CHST9: variants seen among roughly 807,000 people sequenced by gnomAD.
CHST9 encodes carbohydrate sulfotransferase 9, also known as GalNAc-4-sulfotransferase 2.
A neutral mutation model predicts 44.4 loss-of-function variants in CHST9; 41 were observed. The ratio of observed to expected loss-of-function variants is 0.92; its 90% CI spans 0.72 to 1.20. The LOEUF (loss-of-function observed/expected upper bound fraction) is 1.20. Among genes scored for constraint, CHST9 ranks in the 50% most tolerant of loss-of-function variants. The probability of loss-of-function intolerance (pLI) is 0.00; values close to 1 mark genes in which losing one functional copy is unlikely to be tolerated. For missense variants in CHST9, 504 were observed against 516.5 expected, an observed-to-expected ratio of 0.98 and a Z score of 0.23; for synonymous variants, 171 against 178.4, an observed-to-expected ratio of 0.96 and a Z score of 0.33.
At chr18:26,938,112 A>G (rs2056025898) in intron 5 of CHST9, among the ~76,000 whole-genome samples, 1 of 152,162 alleles carries the variant, frequency 6.6e-6, no homozygotes, top group African/African-American at 2.4e-5. Flanking sequence ...TCATGCTTTT[A>G]AAACATCTGA....
intron 2 of CHST9, among the ~76,000 whole-genome samples, chr18:27,100,561 CAG>C (rs2058161276): frequency 6.6e-6 from 1 of 152,140 alleles, no homozygotes; most frequent in African/African-American, 2.4e-5. Context: ...TGCTAGAGGA[CAG>C]TGCAAAAATT....
Position 26,910,145 on chromosome 18 carries a change from G to A in CHST9, c.*6114C>T, listed in dbSNP as rs2055421189. 1 of 152,128 alleles carries A rather than the reference G, an allele frequency of 6.6e-6. No individual in the cohort carries two copies. The highest frequency in any genetic ancestry group is 1.5e-5 in the Non-Finnish European group (1 of 68,026). The allele number at this position is 152,128 out of a possible 1,614,324, so 9.4% of individuals were successfully genotyped here. Reference sequence around the variant, plus strand: ...GTGGGAAGGAATGTCGTTGCCAGGGGACCCAGTGGCTACGACAGAAAGATG... The same window carrying A: ...GTGGGAAGGAATGTCGTTGCCAGGGAACCCAGTGGCTACGACAGAAAGATG... On this transcript the variant is annotated 3_prime_UTR_variant, in exon 6 of 6. Coordinates refer to ENST00000618847, the MANE Select transcript of CHST9 (RefSeq NM_031422.6).
intron 2 of CHST9, among the ~76,000 whole-genome samples, chr18:27,055,676 G>T (rs2057646395): frequency 6.6e-6 from 1 of 152,032 alleles, no homozygotes; most frequent in Non-Finnish European, 1.5e-5. Context: ...TGCTGTCTTG[G>T]GTGCTAGTAC....
At chr18:27,054,881 G>A (rs1033772992) in intron 2 of CHST9, among the ~76,000 whole-genome samples, 5 of 151,664 alleles carry the variant, frequency 3.3e-5, no homozygotes, top group African/African-American at 1.2e-4. Context: ...ATATATGTAG[G>A]TATATATATA....
In CHST9 at chr18:27,097,244, T is replaced by C. The variant is rs1036776917; in HGVS notation, c.121+45445A>G. On this transcript the variant is annotated intron_variant, in intron 2 of 5. Transcript: ENST00000618847. ...AGAAACTAGACATTGAAGGAGCATA[T>C]ATCAAAAAAATAAGAGCCATCTATG... Among the ~76,000 whole-genome samples, 9 of 151,986 alleles carry C rather than the reference T, an allele frequency of 5.9e-5. No individual in the cohort carries two copies. In the South Asian group the frequency reaches 1.0e-3, roughly 18 times the overall value.
intron 3 of CHST9, among the ~76,000 whole-genome samples, chr18:27,025,827 A>G (rs1294388746): frequency 6.6e-6 from 1 of 152,186 alleles, no homozygotes; most frequent in Non-Finnish European, 1.5e-5. Context: ...TGGCTTAGTG[A>G]TAAGAATATT....
intron 4 of CHST9, among the ~76,000 whole-genome samples, chr18:26,985,933 C>T (rs1321733450): frequency 6.6e-6 from 1 of 152,132 alleles, no homozygotes; most frequent in Non-Finnish European, 1.5e-5. Flanking sequence ...TTAGATCCAT[C>T]TAAATCATAA....
chr18:26,981,506 A>T (rs142049731), intron 4 of CHST9, among the ~76,000 whole-genome samples: 146 of 152,310 alleles, frequency 9.6e-4, no homozygotes, highest in African/African-American at 3.4e-3. Context: ...TTCCATTGTA[A>T]TGAGCACTTG....
At chr18:27,065,275 C>A (rs2057768639) in intron 2 of CHST9, among the ~76,000 whole-genome samples, 1 of 152,134 alleles carries the variant, frequency 6.6e-6, no homozygotes, top group Non-Finnish European at 1.5e-5. Context: ...GAATTTTAGA[C>A]CTCATTTTTT....
chr18:26,954,685 C>T (rs191421), intron 4 of CHST9, among the ~76,000 whole-genome samples: 97,188 of 151,778 alleles, frequency 0.64, 31,550 homozygotes, highest in African/African-American at 0.73. Context: ...AATATTAAGA[C>T]GTCAGGAGTT....
At chr18:27,059,189 TA>T (rs760000018) in intron 2 of CHST9, among the ~76,000 whole-genome samples, 53 of 152,144 alleles carry the variant, frequency 3.5e-4, no homozygotes, top group Admixed American at 1.6e-3. Flanking sequence ...TAAAGTGGAG[TA>T]AAAGTAAAGT....
At chr18:26,939,085 C>A (rs2056043586) in intron 5 of CHST9, among the ~76,000 whole-genome samples, 1 of 152,134 alleles carries the variant, frequency 6.6e-6, no homozygotes, top group Non-Finnish European at 1.5e-5. Flanking sequence ...AATCTCTTCC[C>A]TTTAGGGCAA....
chr18:27,101,143 A>G (rs2058167011), intron 2 of CHST9, among the ~76,000 whole-genome samples: 2 of 152,256 alleles, frequency 1.3e-5, no homozygotes, highest in Non-Finnish European at 2.9e-5. Context: ...ATCCAAGAAC[A>G]GCCAAAATAT....
chr18:26,948,799 A>G (rs937168913), intron 4 of CHST9, among the ~76,000 whole-genome samples: 1 of 152,176 alleles, frequency 6.6e-6, no homozygotes, highest in African/African-American at 2.4e-5. Context: ...TTTGCAGGTA[A>G]AGGATAAGAG....
At chr18:26,953,600 G>A (rs935643607) in intron 4 of CHST9, among the ~76,000 whole-genome samples, 19 of 152,148 alleles carry the variant, frequency 1.2e-4, no homozygotes, top group Admixed American at 1.2e-3. Flanking sequence ...AAGACAGCCT[G>A]TTGAAGAAAT....
intron 4 of CHST9, among the ~76,000 whole-genome samples, chr18:26,987,574 C>T (rs555829380): frequency 1.3e-5 from 2 of 152,116 alleles, no homozygotes; most frequent in East Asian, 3.9e-4. Context: ...ATGACAACAA[C>T]AGGGTGGGGA....
In CHST9 at chr18:26,913,330, C is replaced by T. The variant is rs1244369215; in HGVS notation, c.*2929G>A. ...TGTTTTATAGACATCTAGCAAGTGG[C>T]ATCACATTTCCATTGAATTAATGGA... On this transcript the variant is annotated 3_prime_UTR_variant, in exon 6 of 6. Coordinates refer to ENST00000618847, the MANE Select transcript of CHST9 (RefSeq NM_031422.6). The T allele has an allele frequency of 1.3e-5, 2 of 152,134 alleles. No individual in the cohort carries two copies. The highest frequency in any genetic ancestry group is 4.8e-5 in the African/African-American group (2 of 41,416). 9.4% of individuals were successfully genotyped at this position (152,134 alleles called of 1,614,324 possible).
chr18:27,162,007 C>A (rs901682581), intron 1 of CHST9, among the ~76,000 whole-genome samples: 3 of 151,812 alleles, frequency 2.0e-5, no homozygotes, highest in Non-Finnish European at 4.4e-5. Context: ...TGTGTCTCTG[C>A]ACATGAGATG....
At position 27,029,437 on chromosome 18, in the gene CHST9, A is replaced by G. The variant is rs542354570; in HGVS notation, c.161-5280T>C. On this transcript the variant is annotated intron_variant, in intron 3 of 5. Coordinates refer to ENST00000618847, the MANE Select transcript of CHST9 (RefSeq NM_031422.6). ...GAAGAACCCATGATGCAATGGTCCC[A>G]TGGGGAACCAAGGAACCAAGGGTGG... 5.3e-5 allele frequency among the ~76,000 whole-genome samples: 8 copies of G among 152,266 alleles called. No individual in the cohort carries two copies. The East Asian group carries it at 1.5e-3, about 29-fold the overall frequency.
Sources: allele counts gnomAD v4.1 joint callset (sites outside exome capture counted in the v4.1 genomes callset), GRCh38; gene constraint gnomAD v4.1.1; transcripts MANE v1.5; gene names NCBI Gene and HGNC (gene_info 2026-07-23, HGNC 2026-07-21).